The following SV2B variants were observed in gnomAD, a reference collection of about 807,000 sequenced individuals.
The protein encoded by SV2B is solute carrier family 22 member B2.
A neutral mutation model predicts 73.9 loss-of-function variants in SV2B; 41 were observed. The observed-to-expected ratio is 0.56, with a 90% CI of 0.43 to 0.72. SV2B has a LOEUF of 0.72. Among genes scored for constraint, SV2B ranks in the 30% least tolerant of loss-of-function variants. The pLI is 0.00. For synonymous variants in SV2B, 314 were observed against 314.2 expected, an observed-to-expected ratio of 1.00 and a Z score of 0.01; for missense variants, 764 against 857.8, an observed-to-expected ratio of 0.89 and a Z score of 1.37.
chr15:91,111,124 C>T lies in SV2B; in HGVS notation c.-392+10761C>T, dbSNP rs143343221. On this transcript the variant is annotated intron_variant, in intron 1 of 12. Coordinates refer to ENST00000394232, the MANE Select transcript of SV2B (RefSeq NM_001323032.3). ...ACCCTCATATCACAGGACTGGTGGC[C>T]GCCTGCTTCTTCGGTGGCTCAGCAT... Among the ~76,000 whole-genome samples the T allele has an allele frequency of 4.7e-4, 72 of 152,166 alleles. 1 individual carries two copies. In the East Asian group the frequency reaches 9.1e-3, roughly 19 times the overall value.
intron 1 of SV2B, among the ~76,000 whole-genome samples, chr15:91,188,283 T>TTTTTTTTA (rs557300942): frequency 2.7e-4 from 39 of 144,156 alleles, no homozygotes; most frequent in East Asian, 2.4e-3. Context: ...TGTTCCTTAT[T>TTTTTTTTA]TTTATTTATT....
chr15:91,274,494 T>C (rs1468075084), intron 9 of SV2B, among the ~76,000 whole-genome samples: 1 of 152,190 alleles, frequency 6.6e-6, no homozygotes, highest in Non-Finnish European at 1.5e-5. Context: ...TGTAATGGTA[T>C]TTGTATATTC....
chr15:91,117,674 C>G (rs79679756), intron 1 of SV2B, among the ~76,000 whole-genome samples: 170 of 152,354 alleles, frequency 1.1e-3, no homozygotes, highest in African/African-American at 3.9e-3. Flanking sequence ...CTGCACTCAT[C>G]ATGTTTGCTA....
rs1473013797 is a variant in SV2B, at chr15:91,239,905, G to A, written c.452-11914G>A. On this transcript the variant is annotated intron_variant, in intron 2 of 12. Transcript: ENST00000394232. This position sits in a 1 kb window ranked among gnomAD's most constrained non-coding sequence, Gnocchi z 5.1. ...ACCATAGCTCTAATCTAAGTCCCCC[G>A]ATAATGGCTTTCCAATCACCTGGCA... Among the ~76,000 whole-genome samples, 2 of 152,144 alleles carry A rather than the reference G, an allele frequency of 1.3e-5. No homozygotes were observed. The highest frequency in any genetic ancestry group is 2.9e-5 in the Non-Finnish European group (2 of 68,038).
chr15:91,150,863 A>G (rs960121384), intron 1 of SV2B, among the ~76,000 whole-genome samples: 6 of 152,246 alleles, frequency 3.9e-5, no homozygotes, highest in African/African-American at 1.2e-4. Context: ...CAGAGACAAG[A>G]GAACAGATGG....
rs558749620 is a variant in SV2B at position 91,301,828 on chromosome 15, C to T, written c.*9276C>T. 6.6e-6 allele frequency among the ~76,000 whole-genome samples: 1 copy of T among 152,326 alleles called. No homozygotes were observed. The highest frequency in any genetic ancestry group is 2.1e-4 in the South Asian group (1 of 4,828). ...TCTAAAATACTCCAGTGAGCTTTTCCTTGGAGTACACGTTGGCGCTCAAAA... is the reference window on the plus strand; with the variant it reads ...TCTAAAATACTCCAGTGAGCTTTTCTTTGGAGTACACGTTGGCGCTCAAAA... On this transcript the variant is annotated 3_prime_UTR_variant, in exon 13 of 13. Transcript: ENST00000394232. This position sits in a 1 kb window ranked among gnomAD's most constrained non-coding sequence, Gnocchi z 4.3.
intron 2 of SV2B, among the ~76,000 whole-genome samples, chr15:91,228,227 A>G (rs950781889): frequency 3.3e-5 from 5 of 152,226 alleles, no homozygotes; most frequent in African/African-American, 1.2e-4. Context: ...TGAGGGCACC[A>G]AAAGAGACAG....
rs114829666 is a variant in SV2B, at chr15:91,214,158, G to A, written c.-391-11715G>A. On this transcript the variant is annotated intron_variant, in intron 1 of 12. Transcript: ENST00000394232. This position sits in a 1 kb window ranked among gnomAD's most constrained non-coding sequence, Gnocchi z 4.7. ...CGGTTCCGGATCTCTAGAGGAGGGA[G>A]CTGGCATGGACTGGTGGAGTGGGGT... 0.013 allele frequency among the ~76,000 whole-genome samples: 2,012 copies of A among 152,302 alleles called. 62 individuals carry two copies. The highest frequency in any genetic ancestry group is 0.046 in the African/African-American group (1,925 of 41,542).
At chr15:91,143,439 A>G (rs1682428018) in intron 1 of SV2B, among the ~76,000 whole-genome samples, 1 of 152,120 alleles carries the variant, frequency 6.6e-6, no homozygotes, top group African/African-American at 2.4e-5. Context: ...CGGCGGCAGC[A>G]TTTACCCTGA....
rs1206099474 is a variant in SV2B, at chr15:91,252,000, G to A, written c.632+1G>A. The A allele has an allele frequency of 1.9e-6, 3 of 1,613,918 alleles. No individual in the cohort carries two copies. Among genetic ancestry groups the A allele is most frequent in the Non-Finnish European group, 2.5e-6 (3 of 1,179,898 alleles). ...TCTGCCGACTCATCTCAGGCATCGG[G>A]TATGTTCTTAGGGAGGTGGAGCTGG... On this transcript the variant is annotated splice_donor_variant, in intron 3 of 12. Coordinates refer to ENST00000394232, the MANE Select transcript of SV2B (RefSeq NM_001323032.3). LOFTEE classifies it high-confidence loss of function.
At chr15:91,190,386 C>G (rs1666046431) in intron 1 of SV2B, among the ~76,000 whole-genome samples, 1 of 151,616 alleles carries the variant, frequency 6.6e-6, no homozygotes, top group African/African-American at 2.4e-5. Context: ...TTGAGGACCT[C>G]CAGTACTATG....
Position 91,183,114 on chromosome 15 carries a change from A to C in SV2B, c.-391-42759A>C, listed in dbSNP as rs934120542. 3.3e-5 allele frequency among the ~76,000 whole-genome samples: 5 copies of C among 152,234 alleles called. No homozygotes were observed. The East Asian group carries it at 7.7e-4, about 23-fold the overall frequency. ...AAAGGAGAAGGCATCATTTGGAGTGATTAACATGGGGACTTAACGTTGTCT... is the reference window on the plus strand; with the variant it reads ...AAAGGAGAAGGCATCATTTGGAGTGCTTAACATGGGGACTTAACGTTGTCT... On this transcript the variant is annotated intron_variant, in intron 1 of 12. Coordinates refer to ENST00000394232, the MANE Select transcript of SV2B (RefSeq NM_001323032.3).
At chr15:91,200,688 C>T (rs1020026286) in intron 1 of SV2B, among the ~76,000 whole-genome samples, 13 of 152,184 alleles carry the variant, frequency 8.5e-5, no homozygotes, top group African/African-American at 9.6e-5. Flanking sequence ...ACAAGAGGTC[C>T]GCTTGAGTCC....
rs140599292 is a variant in SV2B at position 91,232,808 on chromosome 15, A to G, written c.451+6094A>G. ...TGTATGATGCTGAGGTTTGGGATAC[A>G]AATGATCCCATCACCCAGATAGTGA... On this transcript the variant is annotated intron_variant, in intron 2 of 12. Transcript: ENST00000394232. This position sits in a 1 kb window ranked among gnomAD's most constrained non-coding sequence, Gnocchi z 4.7. 2.0e-5 allele frequency among the ~76,000 whole-genome samples: 3 copies of G among 152,322 alleles called. No individual in the cohort carries two copies. In the East Asian group the frequency reaches 5.8e-4, roughly 29 times the overall value.
chr15:91,123,234 A>G lies in SV2B; in HGVS notation c.-392+22871A>G, dbSNP rs191036608. Among the ~76,000 whole-genome samples, 229 of 152,332 alleles carry G rather than the reference A, an allele frequency of 1.5e-3. 1 individual carries two copies. The highest frequency in any genetic ancestry group is 5.4e-3 in the African/African-American group (225 of 41,570). On this transcript the variant is annotated intron_variant, in intron 1 of 12. Transcript: ENST00000394232. The surrounding 1 kb of genome is among the most constrained non-coding windows in gnomAD (Gnocchi z 4.7). The stretch of plus-strand genomic sequence containing the variant: ...TAAAGCTGCAGTGAGCCATGTTCAT[A>G]CCACTGCATTGCAGCCTGGTAACAG...
intron 1 of SV2B, among the ~76,000 whole-genome samples, chr15:91,113,888 C>T (rs541563782): frequency 2.0e-5 from 3 of 152,120 alleles, no homozygotes; most frequent in South Asian, 4.1e-4. Flanking sequence ...TTTGTCAGTG[C>T]GTAGTAGGGT....
chr15:91,169,673 A>G (rs2044048803), intron 1 of SV2B, among the ~76,000 whole-genome samples: 1 of 152,222 alleles, frequency 6.6e-6, no homozygotes, highest in Non-Finnish European at 1.5e-5. Context: ...CAGACAAGAA[A>G]CAAGTAACTG....
chr15:91,257,833 C>G (rs1424456643), intron 4 of SV2B, among the ~76,000 whole-genome samples: 1 of 152,146 alleles, frequency 6.6e-6, no homozygotes, highest in Non-Finnish European at 1.5e-5. Flanking sequence ...GCTCAGGACC[C>G]AGGAATTCCC....
rs983129659 is a variant in SV2B at position 91,106,666 on chromosome 15, A to G, written c.-392+6303A>G. Among the ~76,000 whole-genome samples the G allele has an allele frequency of 6.6e-6, 1 of 152,216 alleles. No individual in the cohort carries two copies. The highest frequency in any genetic ancestry group is 1.5e-5 in the Non-Finnish European group (1 of 68,038). Reference sequence around the variant, plus strand: ...ACAAGTGGAAACCAAAAAATAGCTCATATTTTCAAAAAATGAGAAAAGATC... The same window carrying G: ...ACAAGTGGAAACCAAAAAATAGCTCGTATTTTCAAAAAATGAGAAAAGATC... On this transcript the variant is annotated intron_variant, in intron 1 of 12. Transcript: ENST00000394232. The surrounding 1 kb of genome is among the most constrained non-coding windows in gnomAD (Gnocchi z 4.4).
Sources: allele counts gnomAD v4.1 joint callset (sites outside exome capture counted in the v4.1 genomes callset), GRCh38; gene constraint gnomAD v4.1.1; non-coding constraint Gnocchi (gnomAD v3.1); transcripts MANE v1.5; gene names NCBI Gene and HGNC (gene_info 2026-07-23, HGNC 2026-07-21).